KRT23: variants seen among roughly 807,000 people sequenced by gnomAD.
KRT23 encodes keratin 23.
A neutral mutation model predicts 47.6 loss-of-function variants in KRT23; 38 were observed. The observed-to-expected ratio is 0.80, with a 90% CI of 0.62 to 1.05. The LOEUF is 1.05. KRT23 is among the 50% of genes least tolerant of loss of function. The pLI is 0.00. For synonymous variants in KRT23, 191 were observed against 199.0 expected, an observed-to-expected ratio of 0.96 and a Z score of 0.34; for missense variants, 503 against 529.5, an observed-to-expected ratio of 0.95 and a Z score of 0.49.
At chr17:40,932,986 G>T (rs1909802838) in intron 2 of KRT23, among the ~76,000 whole-genome samples, 1 of 152,174 alleles carries the variant, frequency 6.6e-6, no homozygotes, top group African/African-American at 2.4e-5. Context: ...CTTCATCAAA[G>T]AGTTATGAGA....
intron 4 of KRT23, 138 bp from the exon 5 acceptor site, chr17:40,928,745 T>C (rs1374107337): frequency 5.7e-6 from 4 of 705,978 alleles, no homozygotes; most frequent in African/African-American, 5.3e-5. Flanking sequence ...GTTTGGTTTC[T>C]CAAATATTAC....
At chr17:40,925,636 A>C in intron 6 of KRT23, 62 bp from the exon 7 acceptor site, 8 of 1,252,694 alleles carry the variant, frequency 6.4e-6, no homozygotes, top group Non-Finnish European at 9.2e-6. Flanking sequence ...ATAACAGGTG[A>C]TTGTTGAGTA....
Position 40,923,008 on chromosome 17 carries a change from T to A in KRT23, c.1250A>T (p.Glu417Val). 1 of 1,613,868 alleles carries A rather than the reference T, an allele frequency of 6.2e-7. No individual in the cohort carries two copies. ...TTGGTCTCATGCGTGCTTTTGGATT[T>A]CATTCACTTGACAAAGAACTAATCT... ...NGRLVLCQVN[E>V]IQKHA The change falls in exon 9 of 9, where the codon GAA becomes GTA. Residue 417 changes from glutamate (E) to valine (V), a missense_variant. Transcript: ENST00000209718.
chr17:40,936,515 C>T lies in KRT23; in HGVS notation c.89G>A (p.Arg30Lys). The T allele has an allele frequency of 6.5e-7, 1 of 1,528,720 alleles. No individual in the cohort carries two copies. The highest frequency in any genetic ancestry group is 8.8e-7 in the Non-Finnish European group (1 of 1,140,548). The allele number at this position is 1,528,720 out of a possible 1,614,324, so 94.7% of individuals were successfully genotyped here. Residue 30 changes from arginine to lysine, a missense_variant, in exon 2 of 9, where the codon AGG becomes AAG. By Grantham distance (26) the Arg-to-Lys change is conservative. Coordinates refer to ENST00000209718, the MANE Select transcript of KRT23 (RefSeq NM_015515.5). ...CGCACCGCCATGGACGGTGGGAGCCCTGGGGAAGCTCCTGGGCCGGCCCCA... is the reference window on the plus strand; with the variant it reads ...CGCACCGCCATGGACGGTGGGAGCCTTGGGGAAGCTCCTGGGCCGGCCCCA... ...GGWGRPRSFP[R>K]APTVHGGAGG...
chr17:40,936,150 C>G (rs549025096), intron 2 of KRT23, 58 bp downstream of exon 2: 1 of 1,595,382 alleles, frequency 6.3e-7, no homozygotes. Flanking sequence ...TTTTTCCTCC[C>G]GAGGGTCCCC....
chr17:40,922,898 G>A lies in KRT23; in HGVS notation c.*91C>T. ...AGTTTCTGAGTCTGATAATTCCAAGGGTATCTTTTAGAACTCACTCACTGG... is the reference window on the plus strand; with the variant it reads ...AGTTTCTGAGTCTGATAATTCCAAGAGTATCTTTTAGAACTCACTCACTGG... On this transcript the variant is annotated 3_prime_UTR_variant, in exon 9 of 9. Transcript: ENST00000209718. The A allele has an allele frequency of 2.3e-6, 2 of 855,282 alleles. No homozygotes were observed. Among genetic ancestry groups the A allele is most frequent in the Non-Finnish European group, 1.9e-6 (1 of 517,034 alleles). 53.0% of individuals were successfully genotyped at this position (855,282 alleles called of 1,614,324 possible).
intron 8 of KRT23, 135 bp from the exon 9 acceptor site, chr17:40,923,218 C>A: frequency 1.6e-6 from 1 of 642,496 alleles, no homozygotes; most frequent in Non-Finnish European, 2.7e-6. Flanking sequence ...ATGAGGTGGG[C>A]TCTGCTGCTG....
intron 2 of KRT23, among the ~76,000 whole-genome samples, chr17:40,932,891 G>A (rs1909793209): frequency 6.6e-6 from 1 of 152,156 alleles, no homozygotes; most frequent in South Asian, 2.1e-4. Context: ...ATCCTGCTCC[G>A]CGCTTACTGG....
intron 2 of KRT23, among the ~76,000 whole-genome samples, 160 bp from the exon 3 acceptor site, chr17:40,931,615 C>G (rs1444458310): frequency 6.6e-6 from 1 of 152,168 alleles, no homozygotes; most frequent in Non-Finnish European, 1.5e-5. Context: ...TCAGTAAATG[C>G]TTAGTGAGCA....
intron 4 of KRT23, among the ~76,000 whole-genome samples, chr17:40,929,027 CAAAA>C (rs3067615): frequency 3.1e-5 from 2 of 64,290 alleles, no homozygotes; most frequent in African/African-American, 1.3e-4. Flanking sequence ...ACCCTGTCTC[CAAAA>C]AAAAAAAAAA....
intron 4 of KRT23, among the ~76,000 whole-genome samples, chr17:40,929,465 CAG>C (rs1909492101): frequency 2.6e-5 from 4 of 152,200 alleles, no homozygotes; most frequent in Admixed American, 2.6e-4. Flanking sequence ...ATCATTTTAT[CAG>C]AGTCTTGAGG....
intron 2 of KRT23, among the ~76,000 whole-genome samples, chr17:40,933,669 C>T (rs187934192): frequency 3.1e-4 from 47 of 152,302 alleles, no homozygotes; most frequent in African/African-American, 1.0e-3. Context: ...AATGTGAATT[C>T]TGAAATGTGC....
At chr17:40,934,428 C>T (rs72824096) in intron 2 of KRT23, among the ~76,000 whole-genome samples, 1 of 152,106 alleles carries the variant, frequency 6.6e-6, no homozygotes, top group African/African-American at 2.4e-5. Context: ...CCCACACCCC[C>T]CATTGCACCT....
Position 40,936,518 on chromosome 17 carries a change from G to A in KRT23, c.86C>T (p.Pro29Leu). ...GGGWGRPRSF[P>L]RAPTVHGGAG... ...ACCGCCATGGACGGTGGGAGCCCTG[G>A]GGAAGCTCCTGGGCCGGCCCCAGCC... Residue 29 changes from proline (P) to leucine (L), a missense_variant, in exon 2 of 9, where the codon CCC becomes CTC. Physicochemically the swap from Pro to Leu is moderately conservative, Grantham distance 98. Coordinates refer to ENST00000209718, the MANE Select transcript of KRT23 (RefSeq NM_015515.5). The A allele has an allele frequency of 6.5e-7, 1 of 1,528,552 alleles. No individual in the cohort carries two copies. Among genetic ancestry groups the A allele is most frequent in the Non-Finnish European group, 8.8e-7 (1 of 1,140,544 alleles). The allele number at this position is 1,528,552 out of a possible 1,614,324, so 94.7% of individuals were successfully genotyped here. A position where few individuals can be genotyped will look rare whatever the true frequency, so the allele number is the denominator to read the frequency against.
At position 40,925,369 on chromosome 17, in the gene KRT23, T is replaced by A. The variant is rs767756110; in HGVS notation, c.1127A>T (p.Glu376Val). 1.5e-5 allele frequency: 24 copies of A among 1,613,340 alleles called. No individual in the cohort carries two copies. Among genetic ancestry groups the A allele is most frequent in the Non-Finnish European group, 2.0e-5 (24 of 1,179,938 alleles). ...TTTGCCTTACCCTTCACTCTCTCCC[T>A]CCAGGAGCCGTCGGTACGTGGTGAT... is the stretch of plus-strand genomic sequence containing the variant. ...KEITTYRRLL[E>V]GESEGTREES... The change falls in exon 7 of 9, where the codon GAG (glutamate) becomes GTG (valine). Residue 376 changes from glutamate to valine, a missense_variant. Transcript: ENST00000209718.
At chr17:40,930,543 A>G (rs1033600751) in intron 3 of KRT23, among the ~76,000 whole-genome samples, 1 of 152,258 alleles carries the variant, frequency 6.6e-6, no homozygotes, top group South Asian at 2.1e-4. Flanking sequence ...AGGCGGGCGG[A>G]TCACGAGGCC....
chr17:40,925,694 G>A, intron 6 of KRT23, 120 bp from the exon 7 acceptor site: 1 of 725,920 alleles, frequency 1.4e-6, no homozygotes, highest in South Asian at 1.7e-5. Context: ...AGCTGCTGAG[G>A]ACACCAAGAT....
intron 4 of KRT23, among the ~76,000 whole-genome samples, chr17:40,929,370 A>G (rs1909482651): frequency 6.6e-6 from 1 of 152,278 alleles, no homozygotes; most frequent in Non-Finnish European, 1.5e-5. Flanking sequence ...TTAATTAACA[A>G]TCATTGTCTA....
At chr17:40,923,382 T>C (rs1909045178) in intron 8 of KRT23, among the ~76,000 whole-genome samples, 1 of 152,246 alleles carries the variant, frequency 6.6e-6, no homozygotes, top group Admixed American at 6.5e-5. Context: ...GAGTTCTTTC[T>C]CTGCCTGTGG....
Sources: gnomAD v4.1 joint callset for allele counts (sites outside exome capture counted in the v4.1 genomes callset) on GRCh38, gnomAD v4.1.1 for gene constraint, MANE v1.5 for transcripts, NCBI Gene and HGNC (gene_info 2026-07-23, HGNC 2026-07-21) for gene names.